The following VPS13B variants were observed in gnomAD, a reference collection of about 807,000 sequenced individuals.
VPS13B encodes the protein intermembrane lipid transfer protein VPS13B.
Under a neutral mutation model 426.4 loss-of-function variants are expected in VPS13B, and 285 were observed. That is an observed-to-expected ratio of 0.67 (90% CI 0.61 to 0.74). The LOEUF is 0.74. Ranked by LOEUF, VPS13B falls within the 30% of genes least tolerant of loss-of-function variation. The probability of loss-of-function intolerance (pLI) is 0.00; values close to 1 mark genes in which losing one functional copy is unlikely to be tolerated. For synonymous variants in VPS13B, 1,676 were observed against 1,676.4 expected (o/e 1.00, Z 0.01); for missense variants, 4,537 against 4,782.6 (o/e 0.95, Z 1.51).
At position 99,817,686 on chromosome 8, in the gene VPS13B, G is replaced by A. The variant is rs182347753; in HGVS notation, c.8244G>A (p.Ser2748=). Reference sequence around the variant, plus strand: ...TCACAGCCAAACAGAAATTGCCTTCGTACATACTAGAAAACAATGAACTGA... The same window carrying A: ...TCACAGCCAAACAGAAATTGCCTTCATACATACTAGAAAACAATGAACTGA... ...DCLTAKQKLP[S]YILENNELTE... The change falls in exon 45 of 62, where the codon TCG becomes TCA. Residue 2748 remains serine (S), a synonymous_variant. Transcript: ENST00000357162. The A allele has an allele frequency of 1.0e-4, 168 of 1,613,998 alleles. No homozygotes were observed. In the East Asian group the frequency reaches 2.1e-3, roughly 20 times the overall value.
intron 34 of VPS13B, among the ~76,000 whole-genome samples, chr8:99,653,457 G>A (rs972024677): frequency 7.4e-5 from 11 of 148,320 alleles, no homozygotes; most frequent in African/African-American, 2.7e-4. Context: ...CCTTGGATAT[G>A]TGACTTCATT....
chr8:99,687,658 C>G (rs1401970967), intron 35 of VPS13B, among the ~76,000 whole-genome samples: 3 of 151,950 alleles, frequency 2.0e-5, no homozygotes, highest in Non-Finnish European at 4.4e-5. Flanking sequence ...TCTCTCCCGC[C>G]CACAAATGCA....
At chr8:99,308,145 G>T (rs944322508) in intron 19 of VPS13B, among the ~76,000 whole-genome samples, 1 of 150,730 alleles carries the variant, frequency 6.6e-6, no homozygotes, top group African/African-American at 2.4e-5. Flanking sequence ...TTAAAATTTC[G>T]TTTAGACTTT....
At chr8:99,320,283 G>A (rs1809905021) in intron 19 of VPS13B, among the ~76,000 whole-genome samples, 1 of 152,072 alleles carries the variant, frequency 6.6e-6, no homozygotes, top group African/African-American at 2.4e-5. Context: ...TATTTATATT[G>A]TTTTGCTAAT....
chr8:99,304,305 G>A (rs779523519), intron 19 of VPS13B, among the ~76,000 whole-genome samples: 1 of 152,066 alleles, frequency 6.6e-6, no homozygotes, highest in African/African-American at 2.4e-5. Context: ...TTATCAGAAA[G>A]CACTTCCCTA....
At chr8:99,644,854 T>C (rs745372662) in intron 34 of VPS13B, among the ~76,000 whole-genome samples, 20 of 152,218 alleles carry the variant, frequency 1.3e-4, no homozygotes, top group Admixed American at 3.3e-4. Context: ...CTAGCATTTA[T>C]TGAGTGATCA....
intron 19 of VPS13B, among the ~76,000 whole-genome samples, chr8:99,287,844 G>T (rs75580222): frequency 6.6e-6 from 1 of 151,994 alleles, no homozygotes; most frequent in Non-Finnish European, 1.5e-5. Context: ...AATGAGATGA[G>T]TATGTCCATA....
rs1588075307 is a variant in VPS13B, at chr8:99,134,930, A to G, written c.1303-85A>G. 3.3e-6 allele frequency: 5 copies of G among 1,510,636 alleles called. No homozygotes were observed. In the East Asian group the frequency reaches 9.1e-5, roughly 28 times the overall value. The allele number at this position is 1,510,636 out of a possible 1,614,324, so 93.6% of individuals were successfully genotyped here. ...AATGACATAATTCTAAAGATGTTTA[A>G]CTAATTTAGAGATTCTACAAGGAAA... On this transcript the variant is annotated intron_variant, in intron 9 of 61. Coordinates refer to ENST00000357162, the MANE Select transcript of VPS13B (RefSeq NM_152564.5).
chr8:99,457,557 G>A (rs1231438316), intron 23 of VPS13B, among the ~76,000 whole-genome samples: 1 of 151,454 alleles, frequency 6.6e-6, no homozygotes, highest in Non-Finnish European at 1.5e-5. Context: ...TAATTTCGTT[G>A]ATTTTTTTCT....
intron 57 of VPS13B, among the ~76,000 whole-genome samples, chr8:99,860,383 G>A (rs1393234003): frequency 6.6e-6 from 1 of 152,130 alleles, no homozygotes; most frequent in Non-Finnish European, 1.5e-5. Flanking sequence ...ACTGGGGGCT[G>A]AGCTGCAGAA....
intron 19 of VPS13B, chr8:99,347,289 A>G (rs1259378007): frequency 6.6e-6 from 1 of 152,276 alleles, no homozygotes; most frequent in African/African-American, 2.4e-5. Flanking sequence ...CACAGTACCT[A>G]CTTCTTCCAC....
rs924902847 is a variant in VPS13B, at chr8:99,720,410, T to G, written c.6723T>G (p.Leu2241=). ...TACATGAATTACTCAATGGATACCT[T>G]AATGAGGAGGGAAATTTTGAAGTAC... The part of the protein sequence containing the change: ...VLLHELLNGY[L]NEEGNFEVQV... The change falls in exon 38 of 62, where the codon CTT becomes CTG. Residue 2241 remains leucine (L), a synonymous_variant. Coordinates refer to ENST00000357162, the MANE Select transcript of VPS13B (RefSeq NM_152564.5). 1.9e-6 allele frequency: 3 copies of G among 1,613,862 alleles called. No homozygotes were observed. Among genetic ancestry groups the G allele is most frequent in the Admixed American group, 3.3e-5 (2 of 59,992 alleles).
chr8:99,151,731 C>T (rs1811090406), intron 14 of VPS13B, among the ~76,000 whole-genome samples: 1 of 152,100 alleles, frequency 6.6e-6, no homozygotes, highest in Non-Finnish European at 1.5e-5. Context: ...AGGGGTTTCT[C>T]CATGTCAGTC....
chr8:99,420,113 A>G (rs1445879729), intron 21 of VPS13B, among the ~76,000 whole-genome samples: 1 of 152,218 alleles, frequency 6.6e-6, no homozygotes, highest in African/African-American at 2.4e-5. Flanking sequence ...TTTACTTAGC[A>G]GATGATGAAA....
At chr8:99,718,573 A>C (rs1833010035) in intron 37 of VPS13B, among the ~76,000 whole-genome samples, 1 of 152,180 alleles carries the variant, frequency 6.6e-6, no homozygotes, top group Non-Finnish European at 1.5e-5. Context: ...TAAACTTGAC[A>C]TGAATCCAAA....
At position 99,111,160 on chromosome 8, in the gene VPS13B, CG is replaced by C; in HGVS notation, c.645del (p.Asn216MetfsTer6). On this transcript the variant is annotated frameshift_variant, in exon 6 of 62. Coordinates refer to ENST00000357162, the MANE Select transcript of VPS13B (RefSeq NM_152564.5). LOFTEE classifies it high-confidence loss of function. ...TGACTGTACAGTTTGTCTTGATAAA[CG>C]GAATGCCAGTGGTAAAATAGAATTT... ...FSDCTVCLDK[R>X]NASGKIEFYQ... 1 of 1,603,652 alleles carries C rather than the reference CG, an allele frequency of 6.2e-7. No homozygotes were observed.
At chr8:99,363,708 A>G (rs1188530638) in intron 19 of VPS13B, among the ~76,000 whole-genome samples, 1 of 152,000 alleles carries the variant, frequency 6.6e-6, no homozygotes, top group East Asian at 1.9e-4. Context: ...ATTTATTTCT[A>G]GTTATTTTAT....
chr8:99,595,720 A>T (rs1490512409), intron 33 of VPS13B, among the ~76,000 whole-genome samples: 1 of 139,452 alleles, frequency 7.2e-6, no homozygotes, highest in Non-Finnish European at 1.6e-5. Flanking sequence ...TGCTAATCAT[A>T]TATTTGCAGA....
chr8:99,289,258 A>C (rs754611873), intron 19 of VPS13B, among the ~76,000 whole-genome samples: 1 of 152,144 alleles, frequency 6.6e-6, no homozygotes, highest in Non-Finnish European at 1.5e-5. Context: ...GTAAATTTGA[A>C]TAATATCTAA....
Sources: allele counts gnomAD v4.1 joint callset (sites outside exome capture counted in the v4.1 genomes callset), GRCh38; gene constraint gnomAD v4.1.1; transcripts MANE v1.5; gene names NCBI Gene and HGNC (gene_info 2026-07-23, HGNC 2026-07-21).